CLCN3: variants seen among roughly 807,000 people sequenced by gnomAD.
CLCN3 encodes H(+)/Cl(-) exchange transporter 3.
CLCN3 carries 16 observed loss-of-function variants against 83.4 expected under a neutral mutation model. That is an observed-to-expected ratio of 0.19 (90% confidence interval 0.13 to 0.29). CLCN3 has a LOEUF of 0.29. Ranked by LOEUF, CLCN3 falls within the 10% of genes least tolerant of loss-of-function variation. The probability of loss-of-function intolerance (pLI) is 1.00; values close to 1 mark genes in which losing one functional copy is unlikely to be tolerated. For missense variants in CLCN3, 544 were observed against 1,006.0 expected (o/e 0.54, Z 6.21); for synonymous variants, 322 against 346.2 (o/e 0.93, Z 0.78).
chr4:169,716,958 G>GT (rs1184732113), intron 12 of CLCN3, among the ~76,000 whole-genome samples: 1 of 151,990 alleles, frequency 6.6e-6, no homozygotes, highest in African/African-American at 2.4e-5. Flanking sequence ...TTTTTTTAAG[G>GT]TTTTTTTATT....
chr4:169,711,505 C>T (rs1733214181), intron 11 of CLCN3, among the ~76,000 whole-genome samples: 1 of 152,144 alleles, frequency 6.6e-6, no homozygotes, highest in Non-Finnish European at 1.5e-5. Context: ...GCATGTGCCA[C>T]CGTGCCAGCT....
intron 2 of CLCN3, among the ~76,000 whole-genome samples, chr4:169,654,467 A>G (rs1485297516): frequency 6.6e-6 from 1 of 151,756 alleles, no homozygotes; most frequent in Non-Finnish European, 1.5e-5. Flanking sequence ...CTTGAACTGG[A>G]TGGTTAGCTC....
intron 1 of CLCN3, among the ~76,000 whole-genome samples, chr4:169,628,550 T>G (rs1026697558): frequency 2.0e-5 from 3 of 152,148 alleles, no homozygotes; most frequent in African/African-American, 7.2e-5. Flanking sequence ...ACATAAAAAA[T>G]GTTCAGCATC....
chr4:169,720,526 T>TTCTC lies in CLCN3; in HGVS notation c.*559_*562dup, dbSNP rs33952411. 1,002 of 146,930 alleles carry TTCTC rather than the reference T, an allele frequency of 6.8e-3. 8 individuals carry two copies. Among genetic ancestry groups the TTCTC allele is most frequent in the African/African-American group, 8.1e-3 (322 of 39,950 alleles). 9.1% of individuals were successfully genotyped at this position (146,930 alleles called of 1,614,324 possible). A position where few individuals can be genotyped will look rare whatever the true frequency, so the allele number is the denominator to read the frequency against. On this transcript the variant is annotated 3_prime_UTR_variant, in exon 13 of 13. Transcript: ENST00000513761. ...TTCTACATTCCAGAAGAGCCTTTAT[T>TTCTC]TCTCTCTCTCTCTCTCTCTCTCTCT... is the stretch of plus-strand genomic sequence containing the variant.
chr4:169,707,091 G>A lies in CLCN3; in HGVS notation c.1974G>A (p.Met658Ile). 1 of 1,614,098 alleles carries A rather than the reference G, an allele frequency of 6.2e-7. No individual in the cohort carries two copies. Among genetic ancestry groups the A allele is most frequent in the Non-Finnish European group, 8.5e-7 (1 of 1,179,992 alleles). ...ATACCACCCTGGCTGCTGACGTTAT[G>A]AGACCTCGAAGGAATGATCCTCCCT... is the stretch of plus-strand genomic sequence containing the variant. ...FTHTTLAADV[M>I]RPRRNDPPLA... The change falls in exon 11 of 13, where the codon ATG (methionine) becomes ATA (isoleucine). Residue 658 changes from methionine to isoleucine, a missense_variant. By Grantham distance (10) the Met-to-Ile change is conservative. Coordinates refer to ENST00000513761, the MANE Select transcript of CLCN3 (RefSeq NM_001829.4).
At chr4:169,658,531 A>G (rs900437142) in intron 2 of CLCN3, among the ~76,000 whole-genome samples, 4 of 152,104 alleles carry the variant, frequency 2.6e-5, no homozygotes, top group Non-Finnish European at 4.4e-5. Flanking sequence ...ATGCCATACA[A>G]TTATATATTT....
intron 2 of CLCN3, among the ~76,000 whole-genome samples, chr4:169,673,987 A>G (rs1412561632): frequency 1.3e-5 from 2 of 152,220 alleles, no homozygotes; most frequent in African/African-American, 4.8e-5. Context: ...CTGTATAGCT[A>G]CCGTACACTT....
rs375463300 is a variant in CLCN3, at chr4:169,702,864, C to T, written c.1564-1134C>T. 153 of 245,774 alleles carry T rather than the reference C, an allele frequency of 6.2e-4. 2 individuals are homozygous for T. In the East Asian group the frequency reaches 0.011, roughly 18 times the overall value. The allele number at this position is 245,774 out of a possible 1,614,324, so 15.2% of individuals were successfully genotyped here. A position where few individuals can be genotyped will look rare whatever the true frequency, so the allele number is the denominator to read the frequency against. On this transcript the variant is annotated intron_variant, in intron 9 of 12. Coordinates refer to ENST00000513761, the MANE Select transcript of CLCN3 (RefSeq NM_001829.4). Reference sequence around the variant, plus strand: ...TCACGAGGCTGAGTCGGCAGGATCACGCCCAGCCAAGAGACGTGACTTCTG... The same window carrying T: ...TCACGAGGCTGAGTCGGCAGGATCATGCCCAGCCAAGAGACGTGACTTCTG...
chr4:169,663,313 TTTTG>T (rs1490853104), intron 2 of CLCN3, among the ~76,000 whole-genome samples: 252 of 25,090 alleles, frequency 0.01, no homozygotes, highest in Admixed American at 0.029. Flanking sequence ...AAGTGGGTTT[TTTTG>T]TTGTTGTTGT....
intron 1 of CLCN3, among the ~76,000 whole-genome samples, chr4:169,630,151 A>C (rs1343679030): frequency 6.6e-6 from 1 of 152,204 alleles, no homozygotes; most frequent in Admixed American, 6.5e-5. Context: ...TTACAATTTC[A>C]ACTTTTATTT....
At chr4:169,688,180 G>A (rs1450695868) in intron 4 of CLCN3, among the ~76,000 whole-genome samples, 1 of 152,214 alleles carries the variant, frequency 6.6e-6, no homozygotes, top group East Asian at 1.9e-4. Context: ...TTTTGCAGAT[G>A]AGGAGACTGA....
chr4:169,711,424 C>T (rs771512903), intron 11 of CLCN3, among the ~76,000 whole-genome samples: 1 of 152,196 alleles, frequency 6.6e-6, no homozygotes, highest in South Asian at 2.1e-4. Context: ...AGTGCAATGG[C>T]GCGGCCTCAG....
intron 1 of CLCN3, among the ~76,000 whole-genome samples, chr4:169,632,929 A>G (rs1054261714): frequency 6.6e-6 from 1 of 152,174 alleles, no homozygotes. Context: ...CGAAGGAAGC[A>G]AAATAATTGC....
rs114861270 is a variant in CLCN3 at position 169,667,521 on chromosome 4, A to G, written c.161-12529A>G. Among the ~76,000 whole-genome samples the G allele has an allele frequency of 6.1e-3, 923 of 152,210 alleles. 7 individuals carry two copies. The highest frequency in any genetic ancestry group is 0.021 in the African/African-American group (887 of 41,540). ...TTCTTAGTAGAGTTATTTTTACAAGAAAGTTGCAAGCCAGTTTTAGTTCAT... is the reference window on the plus strand; with the variant it reads ...TTCTTAGTAGAGTTATTTTTACAAGGAAGTTGCAAGCCAGTTTTAGTTCAT... On this transcript the variant is annotated intron_variant, in intron 2 of 12. Transcript: ENST00000513761.
At chr4:169,624,404 G>A (rs1212195866) in intron 1 of CLCN3, among the ~76,000 whole-genome samples, 1 of 152,092 alleles carries the variant, frequency 6.6e-6, no homozygotes, top group East Asian at 1.9e-4. Context: ...AAAGTGCTGG[G>A]ATTACAGGCA....
At chr4:169,715,146 G>A (rs1427886428) in intron 12 of CLCN3, among the ~76,000 whole-genome samples, 1 of 152,096 alleles carries the variant, frequency 6.6e-6, no homozygotes, top group Non-Finnish European at 1.5e-5. Context: ...TATGAACACA[G>A]AACTGTTAGG....
rs1200425872 is a variant in CLCN3 at position 169,721,637 on chromosome 4, A to G, written c.*1640A>G. Reference sequence around the variant, plus strand: ...GAATCTCGGGCTAGGTTACGTCCATATTTGAAGTGGTCAGTGATGGTTTGA... The same window carrying G: ...GAATCTCGGGCTAGGTTACGTCCATGTTTGAAGTGGTCAGTGATGGTTTGA... On this transcript the variant is annotated 3_prime_UTR_variant, in exon 13 of 13. Transcript: ENST00000513761. 2 of 152,186 alleles carry G rather than the reference A, an allele frequency of 1.3e-5. No homozygotes were observed. The highest frequency in any genetic ancestry group is 2.9e-5 in the Non-Finnish European group (2 of 68,024). 9.4% of individuals were successfully genotyped at this position (152,186 alleles called of 1,614,324 possible).
intron 1 of CLCN3, among the ~76,000 whole-genome samples, chr4:169,631,387 C>T (rs563340842): frequency 3.3e-5 from 5 of 152,086 alleles, no homozygotes; most frequent in Admixed American, 6.5e-5. Flanking sequence ...CCTGGTTTCA[C>T]GCCATTCTCC....
intron 2 of CLCN3, among the ~76,000 whole-genome samples, chr4:169,637,228 T>G (rs906222286): frequency 6.6e-6 from 1 of 152,228 alleles, no homozygotes; most frequent in Admixed American, 6.5e-5. Context: ...GCATTCTGAT[T>G]ATGAATCCTT....
Sources: gnomAD v4.1 joint callset for allele counts (sites outside exome capture counted in the v4.1 genomes callset) on GRCh38, gnomAD v4.1.1 for gene constraint, MANE v1.5 for transcripts, NCBI Gene and HGNC (gene_info 2026-07-23, HGNC 2026-07-21) for gene names.